KLHL23: variants seen among roughly 807,000 people sequenced by gnomAD.
KLHL23 encodes kelch like family member 23.
KLHL23 carries 33 observed loss-of-function variants against 48.9 expected under a neutral mutation model. The observed-to-expected ratio is 0.67, with a 90% CI of 0.51 to 0.90. The LOEUF is 0.90. KLHL23 is among the 40% of genes least tolerant of loss of function. The probability of loss-of-function intolerance (pLI) is 0.00; values close to 1 mark genes in which losing one functional copy is unlikely to be tolerated. For synonymous variants in KLHL23, 234 were observed against 231.6 expected (o/e 1.01, Z -0.09); for missense variants, 608 against 669.6 (o/e 0.91, Z 1.02).
At chr2:169,744,804 TC>T (rs1688758298) in intron 3 of KLHL23, among the ~76,000 whole-genome samples, 2 of 151,896 alleles carry the variant, frequency 1.3e-5, no homozygotes, top group Non-Finnish European at 2.9e-5. Flanking sequence ...TGATTCACCT[TC>T]CTCAGCCTCC....
intron 3 of KLHL23, among the ~76,000 whole-genome samples, chr2:169,746,995 C>G (rs1427256154): frequency 6.6e-6 from 1 of 151,972 alleles, no homozygotes; most frequent in Non-Finnish European, 1.5e-5. Context: ...GAGTTTTTAA[C>G]AAGTAGGATA....
chr2:169,741,038 C>G (rs1188732789), intron 2 of KLHL23: 1 of 167,464 alleles, frequency 6.0e-6, no homozygotes, highest in Non-Finnish European at 1.3e-5. Flanking sequence ...CTGCCAGAGG[C>G]GTAGATTTAT....
chr2:169,741,593 A>C (rs1688677561), intron 3 of KLHL23, 56 bp downstream of exon 3: 2 of 1,517,214 alleles, frequency 1.3e-6, no homozygotes, highest in Non-Finnish European at 1.8e-6. Context: ...AGTAGCATAA[A>C]GGATGGCTAA....
At chr2:169,747,837 C>T (rs73008471) in intron 3 of KLHL23, among the ~76,000 whole-genome samples, 3,113 of 152,078 alleles carry the variant, frequency 0.02, 100 homozygotes, top group African/African-American at 0.07. Context: ...GAGAGAGAGA[C>T]GATAAGAAAC....
intron 3 of KLHL23, among the ~76,000 whole-genome samples, chr2:169,744,533 A>G (rs368414930): frequency 4.6e-4 from 70 of 151,572 alleles, no homozygotes; most frequent in African/African-American, 1.6e-3. Context: ...AGAGCATGTC[A>G]TGGAGAGCTT....
intron 3 of KLHL23, 58 bp from the exon 4 acceptor site, chr2:169,749,364 A>G: frequency 6.9e-7 from 1 of 1,454,386 alleles, no homozygotes; most frequent in Non-Finnish European, 9.1e-7. Flanking sequence ...ACACTGTGGA[A>G]TCTCTTTTGT....
Position 169,745,508 on chromosome 2 carries a change from C to T in KLHL23, c.1367-3914C>T, listed in dbSNP as rs548535067. 4.9e-3 allele frequency among the ~76,000 whole-genome samples: 406 copies of T among 82,778 alleles called. 2 individuals are homozygous for T. Among genetic ancestry groups the T allele is most frequent in the Non-Finnish European group, 5.1e-3 (229 of 45,268 alleles). 54.3% of individuals were successfully genotyped at this position (82,778 alleles called of 152,430 possible). A position where few individuals can be genotyped will look rare whatever the true frequency, so the allele number is the denominator to read the frequency against. On this transcript the variant is annotated intron_variant, in intron 3 of 3. Transcript: ENST00000392647. Reference sequence around the variant, plus strand: ...CAGCCTGGGTGACAGAGTGAGACTCCGTCTCAAAAAAAAAAAAAAAAAAAA... The same window carrying T: ...CAGCCTGGGTGACAGAGTGAGACTCTGTCTCAAAAAAAAAAAAAAAAAAAA...
chr2:169,745,928 G>C (rs1453264292), intron 3 of KLHL23, among the ~76,000 whole-genome samples: 1 of 152,236 alleles, frequency 6.6e-6, no homozygotes, highest in Non-Finnish European at 1.5e-5. Flanking sequence ...TTGCAGCTGA[G>C]AAGGAGGGAG....
At chr2:169,742,377 CACT>C (rs1410238980) in intron 3 of KLHL23, among the ~76,000 whole-genome samples, 3 of 152,190 alleles carry the variant, frequency 2.0e-5, no homozygotes, top group African/African-American at 7.2e-5. Flanking sequence ...CTCAGATTCT[CACT>C]ACAAGTCTGT....
chr2:169,739,384 T>A (rs1424221938), intron 2 of KLHL23, among the ~76,000 whole-genome samples: 1 of 152,194 alleles, frequency 6.6e-6, no homozygotes, highest in Non-Finnish European at 1.5e-5. Context: ...TTGTTGGGCA[T>A]CAGTAAGTAT....
rs757676254 is a variant in KLHL23 at position 169,749,659 on chromosome 2, A to G, written c.1604A>G (p.Asn535Ser). 9 of 1,614,060 alleles carry G rather than the reference A, an allele frequency of 5.6e-6. No homozygotes were observed. Among genetic ancestry groups the G allele is most frequent in the East Asian group, 2.2e-5 (1 of 44,880 alleles). Residue 535 changes from asparagine to serine, a missense_variant, in exon 4 of 4, where the codon AAT becomes AGT. Asn to Ser is a conservative substitution (Grantham distance 46). Transcript: ENST00000392647. ...ATTGAGAAATATGATCCAGATCTTAATAAGTGGGAAATAGTGGGTAATCTT... is the reference window on the plus strand; with the variant it reads ...ATTGAGAAATATGATCCAGATCTTAGTAAGTGGGAAATAGTGGGTAATCTT... ...QSIEKYDPDL[N>S]KWEIVGNLPS...
At chr2:169,749,294 T>C (rs1392931612) in intron 3 of KLHL23, 128 bp from the exon 4 acceptor site, 1 of 1,039,316 alleles carries the variant, frequency 9.6e-7, no homozygotes, top group Non-Finnish European at 1.3e-6. Context: ...TGTGCCTGAA[T>C]CAAAATACCA....
chr2:169,744,850 A>C (rs12995753), intron 3 of KLHL23, among the ~76,000 whole-genome samples: 146,505 of 152,066 alleles, frequency 0.96, 70,681 homozygotes, highest in East Asian at 1. Flanking sequence ...AGCCACCACA[A>C]CCAGCTCAGT....
At position 169,750,110 on chromosome 2, in the gene KLHL23, A is replaced by ATG. The variant is rs1491049857; in HGVS notation, c.*384_*385dup. ...TATACATATATGTGTATACATATAT[A>ATG]TGTGTGTATATATATACACATATAT... is the stretch of plus-strand genomic sequence containing the variant. On this transcript the variant is annotated 3_prime_UTR_variant, in exon 4 of 4. Coordinates refer to ENST00000392647, the MANE Select transcript of KLHL23 (RefSeq NM_144711.6). 5.4e-5 allele frequency: 1 copy of ATG among 18,440 alleles called. No homozygotes were observed. The highest frequency in any genetic ancestry group is 1.2e-4 in the African/African-American group (1 of 8,498). 1.1% of individuals were successfully genotyped at this position (18,440 alleles called of 1,614,324 possible).
chr2:169,749,635 T>C lies in KLHL23; in HGVS notation c.1580T>C (p.Ile527Thr), dbSNP rs756589997. The C allele has an allele frequency of 7.4e-6, 12 of 1,613,934 alleles. No homozygotes were observed. The highest frequency in any genetic ancestry group is 4.4e-5 in the South Asian group (4 of 91,074). Reference protein sequence around the residue: ...SYSKGTYLQSIEKYDPDLNKW... With the variant: ...SYSKGTYLQSTEKYDPDLNKW... ...TCAAAGGGAACGTATCTTCAGAGCA[T>C]TGAGAAATATGATCCAGATCTTAAT... Residue 527 changes from isoleucine (I) to threonine (T), a missense_variant, in exon 4 of 4, where the codon ATT becomes ACT. Ile to Thr is a moderately conservative substitution (Grantham distance 89, BLOSUM62 -1). Coordinates refer to ENST00000392647, the MANE Select transcript of KLHL23 (RefSeq NM_144711.6).
At chr2:169,743,921 A>G (rs895164379) in intron 3 of KLHL23, among the ~76,000 whole-genome samples, 1 of 152,216 alleles carries the variant, frequency 6.6e-6, no homozygotes, top group Non-Finnish European at 1.5e-5. Context: ...TTAAAATGTC[A>G]TCCTTGAGTT....
At chr2:169,745,584 G>A (rs930417438) in intron 3 of KLHL23, among the ~76,000 whole-genome samples, 3 of 151,850 alleles carry the variant, frequency 2.0e-5, no homozygotes, top group Admixed American at 6.6e-5. Context: ...GACAGCAAGG[G>A]GATCTACTAA....
At chr2:169,747,492 G>A (rs1247600287) in intron 3 of KLHL23, among the ~76,000 whole-genome samples, 11 of 145,936 alleles carry the variant, frequency 7.5e-5, no homozygotes, top group Non-Finnish European at 1.6e-4. Context: ...TTAAGAGACA[G>A]GGTCTCACCG....
At chr2:169,748,007 C>T (rs949018763) in intron 3 of KLHL23, among the ~76,000 whole-genome samples, 1 of 152,062 alleles carries the variant, frequency 6.6e-6, no homozygotes, top group Non-Finnish European at 1.5e-5. Context: ...ACCTATAGTC[C>T]CAGCTTCTTG....
Sources: allele counts gnomAD v4.1 joint callset (sites outside exome capture counted in the v4.1 genomes callset), GRCh38; gene constraint gnomAD v4.1.1; transcripts MANE v1.5; gene names NCBI Gene and HGNC (gene_info 2026-07-23, HGNC 2026-07-21).